The following SHLD2 variants were observed in gnomAD, a reference collection of about 807,000 sequenced individuals.
SHLD2 encodes the protein shieldin complex subunit 2.
A neutral mutation model predicts 73.2 loss-of-function variants in SHLD2; 30 were observed. That is an observed-to-expected ratio of 0.41 (90% CI 0.31 to 0.56). The LOEUF (loss-of-function observed/expected upper bound fraction) is 0.56, where lower values mean the gene tolerates loss of function less well. Ranked by LOEUF, SHLD2 falls within the 20% of genes least tolerant of loss-of-function variation. The probability of loss-of-function intolerance (pLI) is 0.28; values close to 1 mark genes in which losing one functional copy is unlikely to be tolerated. For synonymous variants in SHLD2, 285 were observed against 370.1 expected, an observed-to-expected ratio of 0.77 and a Z score of 2.64; for missense variants, 745 against 1,055.9, an observed-to-expected ratio of 0.71 and a Z score of 4.08.
At chr10:87,152,929 G>A in intron 3 of SHLD2, 50 bp downstream of exon 3, 7 of 1,535,260 alleles carry the variant, frequency 4.6e-6, no homozygotes, top group Non-Finnish European at 6.2e-6. Flanking sequence ...GCTAAGTTTT[G>A]TTTGTTTTTG....
intron 4 of SHLD2, among the ~76,000 whole-genome samples, chr10:87,162,551 C>T (rs560042479): frequency 5.9e-5 from 9 of 152,044 alleles, no homozygotes; most frequent in Admixed American, 2.6e-4. Flanking sequence ...AAAATCAGCC[C>T]GGTGTGGTGG....
At chr10:87,190,301 C>T (rs561824803) in intron 9 of SHLD2, among the ~76,000 whole-genome samples, 183 bp from the exon 10 acceptor site, 3 of 152,300 alleles carry the variant, frequency 2.0e-5, no homozygotes, top group South Asian at 2.1e-4. Context: ...TCAAGTAATC[C>T]GGCTGCCTCC....
At chr10:87,189,520 T>C (rs1848889431) in intron 9 of SHLD2, among the ~76,000 whole-genome samples, 1 of 152,186 alleles carries the variant, frequency 6.6e-6, no homozygotes, top group African/African-American at 2.4e-5. Flanking sequence ...TTTAGTTTAT[T>C]GCAGTGAAAA....
chr10:87,186,371 A>C (rs1589678293), intron 8 of SHLD2, among the ~76,000 whole-genome samples: 1 of 152,238 alleles, frequency 6.6e-6, no homozygotes, highest in East Asian at 1.9e-4. Context: ...CCATGATTAA[A>C]ATGCACACTA....
chr10:87,180,475 TATAGGAATTTCTTAAAG>T (rs1465602198), intron 8 of SHLD2, among the ~76,000 whole-genome samples, 172 bp downstream of exon 8: 3 of 152,220 alleles, frequency 2.0e-5, no homozygotes, highest in African/African-American at 4.8e-5. Flanking sequence ...CAGGAATCGT[TATAGGAATTTCTTAAAG>T]ATAGGAATTT....
chr10:87,119,602 A>G (rs1843462812), intron 2 of SHLD2, among the ~76,000 whole-genome samples: 2 of 152,124 alleles, frequency 1.3e-5, no homozygotes, highest in Non-Finnish European at 2.9e-5. Context: ...TCTACTAAAA[A>G]TATAAAAATT....
chr10:87,153,027 G>A (rs1272952496), intron 3 of SHLD2, 148 bp downstream of exon 3: 49 of 780,764 alleles, frequency 6.3e-5, no homozygotes, highest in Non-Finnish European at 5.1e-5. Flanking sequence ...CATCTGCATT[G>A]TTCTCCTTTC....
In SHLD2 at chr10:87,151,766, T is replaced by C; in HGVS notation, c.412T>C (p.Tyr138His). 1 of 1,611,988 alleles carries C rather than the reference T, an allele frequency of 6.2e-7. No homozygotes were observed. The highest frequency in any genetic ancestry group is 8.5e-7 in the Non-Finnish European group (1 of 1,179,842). Residue 138 changes from tyrosine (Y) to histidine (H), a missense_variant, in exon 3 of 10, where the codon TAT (tyrosine) becomes CAT (histidine). Tyr to His is a moderately conservative substitution (Grantham distance 83). Around this residue, in one of 5 missense-constraint regions of SHLD2, gnomAD observed 280 missense variants for 353.9 expected, o/e 0.79. Transcript: ENST00000298786. The part of the protein sequence containing the change: ...TVPHFTEEEK[Y>H]QKLLSENKIR... Reference sequence around the variant, plus strand: ...TCCGCATTTCACCGAAGAAGAAAAGTATCAAAAGCTTCTCAGTGAAAATAA... The same window carrying C: ...TCCGCATTTCACCGAAGAAGAAAAGCATCAAAAGCTTCTCAGTGAAAATAA...
At chr10:87,176,188 C>T in intron 7 of SHLD2, 93 bp downstream of exon 7, 1 of 1,470,862 alleles carries the variant, frequency 6.8e-7, no homozygotes, top group Non-Finnish European at 9.3e-7. Flanking sequence ...GTGGTGTGAA[C>T]ACAGCTCACT....
intron 2 of SHLD2, among the ~76,000 whole-genome samples, chr10:87,128,652 C>G (rs867864777): frequency 1.3e-5 from 2 of 152,146 alleles, no homozygotes; most frequent in Non-Finnish European, 2.9e-5. Flanking sequence ...TGATTTTGCT[C>G]CATTGTCTTC....
intron 2 of SHLD2, among the ~76,000 whole-genome samples, chr10:87,148,901 T>C (rs1011731436): frequency 2.7e-5 from 4 of 150,298 alleles, no homozygotes; most frequent in Non-Finnish European, 3.0e-5. Context: ...TTTTTTTTTT[T>C]CTGAGGCAGA....
chr10:87,163,439 G>A (rs9420459), intron 4 of SHLD2, among the ~76,000 whole-genome samples: 2 of 152,212 alleles, frequency 1.3e-5, no homozygotes, highest in African/African-American at 4.8e-5. Context: ...ATTGTTACAA[G>A]TGAACCTAAT....
Position 87,180,320 on chromosome 10 carries a change from A to G in SHLD2, c.2399+17A>G. 1 of 1,596,932 alleles carries G rather than the reference A, an allele frequency of 6.3e-7. No individual in the cohort carries two copies. The stretch of plus-strand genomic sequence containing the variant: ...ATATTATAGGTAAGGCAACTAAGCA[A>G]GCCAATTTGATGGAAAATAATTATT... On this transcript the variant is annotated intron_variant, in intron 8 of 9. Transcript: ENST00000298786.
chr10:87,138,386 A>T, intron 2 of SHLD2, among the ~76,000 whole-genome samples: 1 of 152,106 alleles, frequency 6.6e-6, no homozygotes, highest in South Asian at 2.1e-4. Flanking sequence ...AAAAAAAAAA[A>T]CAACCTGTTA....
chr10:87,153,209 G>T (rs1410606449), intron 3 of SHLD2, among the ~76,000 whole-genome samples: 1 of 152,072 alleles, frequency 6.6e-6, no homozygotes, highest in African/African-American at 2.4e-5. Flanking sequence ...GATTGCTTGA[G>T]GCCAGGAATT....
Position 87,105,216 on chromosome 10 carries a change from G to T in SHLD2, c.-6+8227G>T, listed in dbSNP as rs116979398. The stretch of plus-strand genomic sequence containing the variant: ...TTGTAATTTCGGTATGGTGTTAGAG[G>T]ATAATAAGAAGGGAAGTGTAAGGTA... On this transcript the variant is annotated intron_variant, in intron 2 of 9. Transcript: ENST00000298786. 1.3e-3 allele frequency among the ~76,000 whole-genome samples: 202 copies of T among 152,244 alleles called. 3 individuals carry two copies. The East Asian group carries it at 0.021, about 16-fold the overall frequency.
chr10:87,121,007 G>A (rs558634039), intron 2 of SHLD2, among the ~76,000 whole-genome samples: 6 of 152,126 alleles, frequency 3.9e-5, no homozygotes, highest in East Asian at 1.9e-4. Context: ...CCGACATTGC[G>A]CCATTGCACT....
chr10:87,124,691 T>C (rs143402043), intron 2 of SHLD2, among the ~76,000 whole-genome samples: 2,282 of 152,288 alleles, frequency 0.015, 59 homozygotes, highest in African/African-American at 0.052. Flanking sequence ...TTAACAAATA[T>C]TTATACACCC....
At chr10:87,162,055 T>G (rs1236658785) in intron 4 of SHLD2, among the ~76,000 whole-genome samples, 1 of 151,690 alleles carries the variant, frequency 6.6e-6, no homozygotes, top group Non-Finnish European at 1.5e-5. Flanking sequence ...GACAACTGGG[T>G]AGCCATTTGG....
Sources: gnomAD v4.1 joint callset for allele counts (sites outside exome capture counted in the v4.1 genomes callset) on GRCh38, gnomAD v4.1.1 for gene constraint, gnomAD v4.1.1 regional missense constraint, MANE v1.5 for transcripts, NCBI Gene and HGNC (gene_info 2026-07-23, HGNC 2026-07-21) for gene names.